The following ABCA13 variants were observed in gnomAD, a reference collection of about 807,000 sequenced individuals.
ABCA13 encodes ATP-binding cassette sub-family A member 13.
ABCA13 carries 476 observed loss-of-function variants against 478.7 expected under a neutral mutation model. That is an observed-to-expected ratio of 0.99 (90% CI 0.92 to 1.07). The LOEUF (loss-of-function observed/expected upper bound fraction) is 1.07, where lower values mean the gene tolerates loss of function less well. Among genes scored for constraint, ABCA13 ranks in the 50% least tolerant of loss-of-function variants. The probability of loss-of-function intolerance (pLI) is 0.00; values close to 1 mark genes in which losing one functional copy is unlikely to be tolerated. For synonymous variants in ABCA13, 2,252 were observed against 2,158.9 expected, an observed-to-expected ratio of 1.04 and a Z score of -1.20; for missense variants, 6,060 against 5,910.6, an observed-to-expected ratio of 1.03 and a Z score of -0.83.
Position 48,344,076 on chromosome 7 carries a change from C to G in ABCA13, c.10204+5621C>G, listed in dbSNP as rs547273340. On this transcript the variant is annotated intron_variant, in intron 29 of 61. Transcript: ENST00000435803. ...TGATATTATGTGTGAAGCATTAAAA[C>G]CAGACTGAAAGTGATTTGGTGAGTA... 2.9e-4 allele frequency among the ~76,000 whole-genome samples: 44 copies of G among 152,252 alleles called. 1 individual carries two copies. The highest frequency in any genetic ancestry group is 1.0e-3 in the African/African-American group (42 of 41,542).
chr7:48,553,983 C>T (rs1261305319), intron 55 of ABCA13, among the ~76,000 whole-genome samples: 1 of 151,844 alleles, frequency 6.6e-6, no homozygotes, highest in African/African-American at 2.4e-5. Flanking sequence ...TTCTTTCATT[C>T]GTTTGGTTTT....
At chr7:48,521,172 C>T (rs1158552324) in intron 53 of ABCA13, among the ~76,000 whole-genome samples, 2 of 152,172 alleles carry the variant, frequency 1.3e-5, no homozygotes, top group Non-Finnish European at 2.9e-5. Flanking sequence ...AAGCAATGTG[C>T]TTTCCTGTGT....
In ABCA13 at chr7:48,248,278, A is replaced by T; in HGVS notation, c.1699A>T (p.Met567Leu). The stretch of plus-strand genomic sequence containing the variant: ...AGAGGTCATTACTTGGCACAAAAAT[A>T]TGTCAGTTTTAATACCTGAAGAATA... ...LQEVITWHKN[M>L]SVLIPEEYLD... Residue 567 changes from methionine to leucine, a missense_variant, in exon 14 of 62, where the codon ATG (methionine) becomes TTG (leucine). Coordinates refer to ENST00000435803, the MANE Select transcript of ABCA13 (RefSeq NM_152701.5). 1 of 1,613,804 alleles carries T rather than the reference A, an allele frequency of 6.2e-7. No homozygotes were observed. The highest frequency in any genetic ancestry group is 1.1e-5 in the South Asian group (1 of 91,070).
chr7:48,439,798 T>C lies in ABCA13; in HGVS notation c.12565+11927T>C, dbSNP rs148369474. On this transcript the variant is annotated intron_variant, in intron 42 of 61. Coordinates refer to ENST00000435803, the MANE Select transcript of ABCA13 (RefSeq NM_152701.5). ...CTGTTTTGATTAATTTAAAGGCAACTGATTAGCGTTCTTAATGAGATCTGT... is the reference window on the plus strand; with the variant it reads ...CTGTTTTGATTAATTTAAAGGCAACCGATTAGCGTTCTTAATGAGATCTGT... Among the ~76,000 whole-genome samples, 622 of 152,236 alleles carry C rather than the reference T, an allele frequency of 4.1e-3. 6 individuals are homozygous for C. The highest frequency in any genetic ancestry group is 0.014 in the African/African-American group (595 of 41,552).
At position 48,412,599 on chromosome 7, in the gene ABCA13, A is replaced by G. The variant is rs1819420394; in HGVS notation, c.12459+16A>G. The G allele has an allele frequency of 6.3e-7, 1 of 1,580,862 alleles. No homozygotes were observed. The highest frequency in any genetic ancestry group is 1.4e-5 in the African/African-American group (1 of 72,648). ...CTTAGAAGAGGTACTGAGAAAACTG[A>G]AGCGTGCTTTAATTATTTATGCCTT... On this transcript the variant is annotated intron_variant, in intron 41 of 61. Transcript: ENST00000435803.
intron 47 of ABCA13, among the ~76,000 whole-genome samples, chr7:48,485,143 A>G (rs1038170479): frequency 4.6e-5 from 7 of 152,340 alleles, no homozygotes; most frequent in Non-Finnish European, 1.0e-4. Context: ...CACTTCAGTT[A>G]AAGAAGCCAA....
chr7:48,307,672 AAAC>A (rs1801108040), intron 23 of ABCA13, among the ~76,000 whole-genome samples: 2 of 152,038 alleles, frequency 1.3e-5, no homozygotes, highest in Non-Finnish European at 2.9e-5. Context: ...TTTACTTTAT[AAAC>A]TTTATTTATT....
intron 57 of ABCA13, among the ~76,000 whole-genome samples, chr7:48,589,110 C>G (rs369644852): frequency 6.6e-6 from 1 of 152,230 alleles, no homozygotes; most frequent in East Asian, 1.9e-4. Flanking sequence ...TACTCCCTGG[C>G]TAATAAAAGC....
chr7:48,636,466 G>A (rs994507208), intron 59 of ABCA13, among the ~76,000 whole-genome samples: 3 of 152,156 alleles, frequency 2.0e-5, no homozygotes, highest in Non-Finnish European at 4.4e-5. Context: ...GGGAGATTTA[G>A]GAAAATGTGC....
At position 48,524,362 on chromosome 7, in the gene ABCA13, C is replaced by T; in HGVS notation, c.14166C>T (p.Asn4722=). Residue 4722 remains asparagine, a synonymous_variant, in exon 54 of 62, where the codon AAC becomes AAT. Coordinates refer to ENST00000435803, the MANE Select transcript of ABCA13 (RefSeq NM_152701.5). ...ATGGAGACATTCTTGTGTTATACAACCTTAGTAAACATTATCGACGCTTTT... is the reference window on the plus strand; with the variant it reads ...ATGGAGACATTCTTGTGTTATACAATCTTAGTAAACATTATCGACGCTTTT... The part of the protein sequence containing the change: ...RTNGDILVLY[N]LSKHYRRFFQ... 6.2e-7 allele frequency: 1 copy of T among 1,613,204 alleles called. No homozygotes were observed. The highest frequency in any genetic ancestry group is 1.7e-4 in the Middle Eastern group (1 of 6,056).
At chr7:48,403,920 T>C (rs1381027558) in intron 39 of ABCA13, 41 bp downstream of exon 39, 1 of 1,583,890 alleles carries the variant, frequency 6.3e-7, no homozygotes. Context: ...TCCCACAATA[T>C]TGTGTTGCAG....
rs191653635 is a variant in ABCA13 at position 48,561,087 on chromosome 7, G to A, written c.14355-19137G>A. On this transcript the variant is annotated intron_variant, in intron 55 of 61. Transcript: ENST00000435803. ...CCATTGTATGTATATGTATATATAT[G>A]TATGTATGTATGCATATATATTTTT... Among the ~76,000 whole-genome samples, 44 of 151,954 alleles carry A rather than the reference G, an allele frequency of 2.9e-4. No individual in the cohort carries two copies. The East Asian group carries it at 5.6e-3, about 19-fold the overall frequency.
intron 29 of ABCA13, 79 bp downstream of exon 29, chr7:48,338,534 A>C: frequency 1.9e-6 from 2 of 1,063,900 alleles, no homozygotes; most frequent in Non-Finnish European, 2.7e-6. Flanking sequence ...CCCTTGGGCC[A>C]TGGCATTGCT....
At chr7:48,250,758 C>G (rs1010989143) in intron 15 of ABCA13, among the ~76,000 whole-genome samples, 1 of 152,284 alleles carries the variant, frequency 6.6e-6, no homozygotes, top group African/African-American at 2.4e-5. Context: ...GCATGTAAAA[C>G]TTGCACTTCT....
At chr7:48,325,594 G>A (rs575234592) in intron 27 of ABCA13, among the ~76,000 whole-genome samples, 16 of 151,934 alleles carry the variant, frequency 1.1e-4, no homozygotes, top group Non-Finnish European at 2.1e-4. Context: ...TGTTTCCTGA[G>A]TGCAGTGTCC....
At chr7:48,199,193 A>C (rs1326593661) in intron 3 of ABCA13, among the ~76,000 whole-genome samples, 2 of 152,246 alleles carry the variant, frequency 1.3e-5, no homozygotes, top group African/African-American at 4.8e-5. Context: ...ACAAGAGGAA[A>C]ATTAAAAGTT....
rs1433506526 is a variant in ABCA13, at chr7:48,369,442, T to C, written c.10803+1534T>C. Among the ~76,000 whole-genome samples the C allele has an allele frequency of 2.0e-5, 3 of 152,114 alleles. No individual in the cohort carries two copies. In the East Asian group the frequency reaches 5.8e-4, roughly 29 times the overall value. ...TGTTTTCGTTGCATTTGCTTTTGGG[T>C]TCTTGGTCATGAAGTATTTGCCTAA... On this transcript the variant is annotated intron_variant, in intron 32 of 61. Transcript: ENST00000435803.
rs994086998 is a variant in ABCA13, at chr7:48,372,081, G to A, written c.10804-87G>A. 4 of 1,319,474 alleles carry A rather than the reference G, an allele frequency of 3.0e-6. No individual in the cohort carries two copies. The African/African-American group carries it at 5.9e-5, about 20-fold the overall frequency. 81.7% of individuals were successfully genotyped at this position (1,319,474 alleles called of 1,614,324 possible). ...AAGCAAGCAGATTTACCTTTCCACT[G>A]GTCCACCTTCTTTCTCCTACCATCT... On this transcript the variant is annotated intron_variant, in intron 32 of 61. Transcript: ENST00000435803.
At chr7:48,625,864 A>G (rs952898128) in intron 59 of ABCA13, among the ~76,000 whole-genome samples, 2 of 152,140 alleles carry the variant, frequency 1.3e-5, no homozygotes, top group Non-Finnish European at 2.9e-5. Context: ...ATATTTTTAG[A>G]TGGGTGAAGT....
Sources: allele counts gnomAD v4.1 joint callset (sites outside exome capture counted in the v4.1 genomes callset), GRCh38; gene constraint gnomAD v4.1.1; transcripts MANE v1.5; gene names NCBI Gene and HGNC (gene_info 2026-07-23, HGNC 2026-07-21).